Variants in SNX14 observed in about 807,000 individuals in gnomAD.
SNX14 encodes sorting nexin 14, also known as sorting nexin-14.
Under a neutral mutation model 133.8 loss-of-function variants are expected in SNX14, and 93 were observed. The ratio of observed to expected loss-of-function variants is 0.70; its 90% CI spans 0.59 to 0.83. SNX14 has a LOEUF of 0.83. SNX14 is among the 40% of genes least tolerant of loss of function. The pLI is 0.00. For missense variants in SNX14, 945 were observed against 1,094.9 expected, an observed-to-expected ratio of 0.86 and a Z score of 1.93; for synonymous variants, 368 against 365.6, an observed-to-expected ratio of 1.01 and a Z score of -0.07.
chr6:85,506,874 A>G lies in SNX14; in HGVS notation c.2802+359T>C, dbSNP rs556114115. The stretch of plus-strand genomic sequence containing the variant: ...TTGGGTTTACATAAAACTTGCTTCA[A>G]AAATACTCTAGTTTCTGACTTACAC... On this transcript the variant is annotated intron_variant, in intron 28 of 28. Coordinates refer to ENST00000314673, the MANE Select transcript of SNX14 (RefSeq NM_153816.6). Among the ~76,000 whole-genome samples the G allele has an allele frequency of 3.2e-4, 48 of 152,326 alleles. No homozygotes were observed. In the South Asian group the frequency reaches 7.0e-3, roughly 22 times the overall value.
At chr6:85,547,023 G>A in intron 12 of SNX14, 89 bp downstream of exon 12, 1 of 877,932 alleles carries the variant, frequency 1.1e-6, no homozygotes, top group East Asian at 2.7e-5. Flanking sequence ...ATGATAGATG[G>A]GTACCACAAC....
intron 5 of SNX14, 120 bp from the exon 6 acceptor site, chr6:85,565,539 C>G: frequency 1.6e-6 from 1 of 639,146 alleles, no homozygotes; most frequent in Non-Finnish European, 2.7e-6. Flanking sequence ...TTTTCATTTA[C>G]AAATAATACA....
intron 7 of SNX14, among the ~76,000 whole-genome samples, chr6:85,554,436 A>C (rs1788957111): frequency 6.6e-6 from 1 of 152,130 alleles, no homozygotes; most frequent in Non-Finnish European, 1.5e-5. Flanking sequence ...AGTAAAGACA[A>C]CTATGGATGA....
chr6:85,518,587 T>C (rs545403597), intron 21 of SNX14, among the ~76,000 whole-genome samples: 1 of 152,284 alleles, frequency 6.6e-6, no homozygotes, highest in South Asian at 2.1e-4. Flanking sequence ...ATTTGAAACA[T>C]CAAACATCTT....
Position 85,527,636 on chromosome 6 carries a change from T to C in SNX14, c.1995+626A>G, listed in dbSNP as rs1375433117. ...TGTAAGCACTTGATAAAGAAAGATG[T>C]TTATTAGTCTTGGAGAGCCTGATGT... On this transcript the variant is annotated intron_variant, in intron 20 of 28. Coordinates refer to ENST00000314673, the MANE Select transcript of SNX14 (RefSeq NM_153816.6). Among the ~76,000 whole-genome samples, 3 of 152,062 alleles carry C rather than the reference T, an allele frequency of 2.0e-5. No individual in the cohort carries two copies. The East Asian group carries it at 5.8e-4, about 29-fold the overall frequency.
chr6:85,588,575 CTAAA>C (rs145183684), intron 1 of SNX14, among the ~76,000 whole-genome samples: 7 of 149,052 alleles, frequency 4.7e-5, no homozygotes, highest in Non-Finnish European at 7.4e-5. Flanking sequence ...GACTCCGTCT[CTAAA>C]TAAATAAATA....
rs1349714802 is a variant in SNX14 at position 85,593,707 on chromosome 6, C to T, written c.12G>A (p.Trp4Ter). ...TCAGCTTCTGCCCCATCGTCCGCAC[C>T]CAGGGCACCATCTCCGTAACGGCGA... The part of the protein sequence containing the change: MVP[W>*]VRTMGQKLKQ... Residue 4 changes from tryptophan to a stop codon, truncating the protein, a stop_gained, in exon 1 of 29, where the codon TGG becomes TGA. Transcript: ENST00000314673. LOFTEE classifies it high-confidence loss of function. The T allele has an allele frequency of 3.7e-6, 6 of 1,613,588 alleles. No individual in the cohort carries two copies. Among genetic ancestry groups the T allele is most frequent in the African/African-American group, 1.3e-5 (1 of 74,928 alleles).
chr6:85,593,777 C>A lies in SNX14; in HGVS notation c.-59G>T. 1 of 1,586,488 alleles carries A rather than the reference C, an allele frequency of 6.3e-7. No individual in the cohort carries two copies. Among genetic ancestry groups the A allele is most frequent in the Non-Finnish European group, 8.5e-7 (1 of 1,169,954 alleles). On this transcript the variant is annotated 5_prime_UTR_variant, in exon 1 of 29. Transcript: ENST00000314673. ...GCTGAGGCAGAGGTCAAGGCGACCCCCCATCCACACCTCGCGTCCCCGCCC... is the reference window on the plus strand; with the variant it reads ...GCTGAGGCAGAGGTCAAGGCGACCCACCATCCACACCTCGCGTCCCCGCCC...
chr6:85,590,705 T>C (rs551362150), intron 1 of SNX14, among the ~76,000 whole-genome samples: 19 of 152,370 alleles, frequency 1.2e-4, no homozygotes, highest in Admixed American at 3.3e-4. Context: ...TCACTTGTTT[T>C]TGAATAGCAT....
At chr6:85,545,187 T>C (rs1160629589) in intron 12 of SNX14, among the ~76,000 whole-genome samples, 1 of 151,252 alleles carries the variant, frequency 6.6e-6, no homozygotes, top group Non-Finnish European at 1.5e-5. Context: ...CTCAAAAAAA[T>C]AGGAAAGATA....
intron 23 of SNX14, among the ~76,000 whole-genome samples, chr6:85,515,262 C>CAAA (rs751549621): frequency 0.022 from 483 of 22,148 alleles, 29 homozygotes; most frequent in East Asian, 0.13. Flanking sequence ...GCAAGACCGT[C>CAAA]AAAAAAAAAA....
Position 85,538,877 on chromosome 6 carries a change from G to A in SNX14, c.1449-13C>T. The A allele has an allele frequency of 6.3e-7, 1 of 1,589,064 alleles. No homozygotes were observed. Among genetic ancestry groups the A allele is most frequent in the Non-Finnish European group, 8.6e-7 (1 of 1,169,064 alleles). ...ACTTAGGCTACCTCTGCAATAACAG[G>A]TATGTGAAATAATATAAGGAGAGGA... On this transcript the variant is annotated splice_polypyrimidine_tract_variant and intron_variant, in intron 15 of 28. Transcript: ENST00000314673.
intron 1 of SNX14, 88 bp downstream of exon 1, chr6:85,593,491 C>G: frequency 8.1e-6 from 12 of 1,477,994 alleles, no homozygotes; most frequent in Non-Finnish European, 1.1e-5. Context: ...CCCGCAGCTA[C>G]GCGGCCTCCG....
chr6:85,563,632 G>C (rs1792601907), intron 6 of SNX14, among the ~76,000 whole-genome samples: 1 of 151,932 alleles, frequency 6.6e-6, no homozygotes, highest in African/African-American at 2.4e-5. Context: ...ACCTCGAGTG[G>C]TCCGCCCACC....
chr6:85,563,134 C>T (rs559200939), intron 6 of SNX14, among the ~76,000 whole-genome samples: 10 of 152,060 alleles, frequency 6.6e-5, no homozygotes, highest in East Asian at 3.9e-4. Context: ...AACTACTGTA[C>T]GTTTTTTGCA....
chr6:85,510,201 G>A (rs1020194727), intron 26 of SNX14, among the ~76,000 whole-genome samples: 4 of 152,094 alleles, frequency 2.6e-5, no homozygotes, highest in Non-Finnish European at 5.9e-5. Flanking sequence ...GCTTAGTTTT[G>A]TAAGAAACTG....
chr6:85,548,025 T>C (rs1786303684), intron 9 of SNX14, among the ~76,000 whole-genome samples: 1 of 152,180 alleles, frequency 6.6e-6, no homozygotes, highest in Non-Finnish European at 1.5e-5. Context: ...ATTCCACTTA[T>C]ATGTGGTACC....
At chr6:85,520,053 G>A (rs1470911686) in intron 21 of SNX14, among the ~76,000 whole-genome samples, 1 of 151,768 alleles carries the variant, frequency 6.6e-6, no homozygotes, top group East Asian at 1.9e-4. Context: ...AGTAGTAGTA[G>A]TAGTAATAGT....
intron 7 of SNX14, among the ~76,000 whole-genome samples, chr6:85,552,926 G>T (rs899340519): frequency 1.3e-5 from 2 of 152,186 alleles, no homozygotes; most frequent in Non-Finnish European, 2.9e-5. Context: ...GAATCCACCT[G>T]TCACTTGTAA....
Sources: allele counts gnomAD v4.1 joint callset (sites outside exome capture counted in the v4.1 genomes callset), GRCh38; gene constraint gnomAD v4.1.1; transcripts MANE v1.5; gene names NCBI Gene and HGNC (gene_info 2026-07-23, HGNC 2026-07-21).